The following OPA1 variants were observed in gnomAD, a reference collection of about 807,000 sequenced individuals.
OPA1 encodes the protein OPA1 mitochondrial dynamin like GTPase.
In OPA1, 59 loss-of-function variants were observed where a neutral mutation model predicts 152.9. The ratio of observed to expected loss-of-function variants is 0.39; its 90% CI spans 0.31 to 0.48. The LOEUF is 0.48. Ranked by LOEUF, OPA1 falls within the 20% of genes least tolerant of loss-of-function variation. The pLI, the probability that OPA1 is intolerant of heterozygous loss-of-function variation, is 0.96. For synonymous variants in OPA1, 400 were observed against 389.9 expected (o/e 1.03, Z -0.31); for missense variants, 1,008 against 1,216.8 (o/e 0.83, Z 2.55).
intron 12 of OPA1, 26 bp from the exon 13 acceptor site, chr3:193,642,949 T>TC (rs753978565): frequency 6.2e-7 from 1 of 1,605,938 alleles, no homozygotes; most frequent in Non-Finnish European, 8.5e-7. Flanking sequence ...TCTTAGATTT[T>TC]CTTAGGATTT....
chr3:193,612,541 A>G (rs1255731531), intron 1 of OPA1, among the ~76,000 whole-genome samples: 1 of 152,044 alleles, frequency 6.6e-6, no homozygotes, highest in Non-Finnish European at 1.5e-5. Flanking sequence ...ATCCCACTGT[A>G]TTTGTGGGGG....
At chr3:193,595,631 G>A (rs1488162831) in intron 1 of OPA1, among the ~76,000 whole-genome samples, 7 of 152,120 alleles carry the variant, frequency 4.6e-5, no homozygotes, top group Non-Finnish European at 1.0e-4. Context: ...ATCTGTTAGG[G>A]TCTTGACTTT....
chr3:193,684,163 A>G (rs1720598445), intron 29 of OPA1, among the ~76,000 whole-genome samples: 1 of 152,170 alleles, frequency 6.6e-6, no homozygotes, highest in South Asian at 2.1e-4. Flanking sequence ...GCTACACATA[A>G]TCATGAAAAT....
chr3:193,609,397 C>G (rs557322170), intron 1 of OPA1, among the ~76,000 whole-genome samples: 4 of 152,114 alleles, frequency 2.6e-5, no homozygotes, highest in Admixed American at 2.0e-4. Flanking sequence ...GAGTTTCTGC[C>G]GAGAGATCAG....
intron 24 of OPA1, among the ~76,000 whole-genome samples, chr3:193,659,275 G>A (rs1714653719): frequency 6.6e-6 from 1 of 152,118 alleles, no homozygotes; most frequent in South Asian, 2.1e-4. Context: ...AATTTTATAA[G>A]CAATTATACT....
intron 23 of OPA1, 144 bp from the exon 24 acceptor site, chr3:193,658,743 G>C (rs1714527410): frequency 1.5e-6 from 1 of 645,744 alleles, no homozygotes; most frequent in South Asian, 1.7e-5. Flanking sequence ...AGAAGCTTAT[G>C]CATTTTTATA....
chr3:193,637,053 A>G (rs1159308114), intron 9 of OPA1, 142 bp from the exon 10 acceptor site: 1 of 508,492 alleles, frequency 2.0e-6, no homozygotes, highest in Non-Finnish European at 3.5e-6. Flanking sequence ...TACGATGAAG[A>G]TGTATTTATG....
intron 21 of OPA1, among the ~76,000 whole-genome samples, chr3:193,651,963 T>C (rs544263375): frequency 1.3e-5 from 2 of 152,300 alleles, no homozygotes; most frequent in African/African-American, 4.8e-5. Flanking sequence ...AGGTAAAGTT[T>C]CTGTAGATAA....
intron 29 of OPA1, among the ~76,000 whole-genome samples, chr3:193,690,802 T>G (rs1386540432): frequency 6.6e-6 from 1 of 152,238 alleles, no homozygotes; most frequent in East Asian, 1.9e-4. Context: ...GCTTGCCAGT[T>G]TTGCCTCTAG....
intron 23 of OPA1, 58 bp downstream of exon 23, chr3:193,657,290 G>T: frequency 1.3e-6 from 2 of 1,538,534 alleles, no homozygotes; most frequent in South Asian, 1.1e-5. Flanking sequence ...TTCTCAAATT[G>T]ATACTTTTTC....
At chr3:193,635,564 T>C (rs1422604134) in intron 9 of OPA1, 42 bp downstream of exon 9, 3 of 1,187,174 alleles carry the variant, frequency 2.5e-6, no homozygotes, top group Non-Finnish European at 3.8e-6. Flanking sequence ...ATTTTACCGC[T>C]TAACGTTGTG....
At chr3:193,622,476 C>A (rs550802906) in intron 6 of OPA1, among the ~76,000 whole-genome samples, 1 of 152,106 alleles carries the variant, frequency 6.6e-6, no homozygotes, top group South Asian at 2.1e-4. Flanking sequence ...GTCCGTCCAC[C>A]TCTGCCTCCC....
intron 6 of OPA1, among the ~76,000 whole-genome samples, chr3:193,619,225 T>C (rs567557688): frequency 6.6e-6 from 1 of 152,332 alleles, no homozygotes; most frequent in Non-Finnish European, 1.5e-5. Context: ...AAGGCTCGTT[T>C]AGACAAGGCA....
At chr3:193,678,086 T>TC (rs927822359) in intron 29 of OPA1, among the ~76,000 whole-genome samples, 27 of 152,376 alleles carry the variant, frequency 1.8e-4, no homozygotes, top group Admixed American at 1.0e-3. Flanking sequence ...ATATTTCATT[T>TC]CAATTTCTCT....
intron 23 of OPA1, among the ~76,000 whole-genome samples, chr3:193,658,380 TAATA>T (rs1375864795): frequency 2.6e-5 from 4 of 152,190 alleles, no homozygotes; most frequent in South Asian, 2.1e-4. Flanking sequence ...TTTTCAACTG[TAATA>T]AATAACTTTT....
intron 29 of OPA1, among the ~76,000 whole-genome samples, chr3:193,671,825 T>G (rs1429587888): frequency 6.6e-6 from 1 of 152,226 alleles, no homozygotes; most frequent in Non-Finnish European, 1.5e-5. Context: ...GAAAGTACTT[T>G]AGAGGAAATG....
chr3:193,697,416 A>G lies in OPA1; in HGVS notation c.*2816A>G, dbSNP rs1210114127. On this transcript the variant is annotated 3_prime_UTR_variant, in exon 31 of 31. Transcript: ENST00000361510. The stretch of plus-strand genomic sequence containing the variant: ...GTGCACTGTGAATGAACTTTGTATT[A>G]TTTTTTTAAAACCTTCACATTACGT... The G allele has an allele frequency of 1.3e-5, 2 of 152,130 alleles. No individual in the cohort carries two copies. The highest frequency in any genetic ancestry group is 2.9e-5 in the Non-Finnish European group (2 of 68,024). 9.4% of individuals were successfully genotyped at this position (152,130 alleles called of 1,614,324 possible).
chr3:193,617,970 G>T (rs1341711375), intron 5 of OPA1, 133 bp downstream of exon 5: 4 of 692,186 alleles, frequency 5.8e-6, no homozygotes, highest in Non-Finnish European at 1.0e-5. Context: ...AACTATATTA[G>T]GCAAACTCAT....
chr3:193,663,711 C>T (rs1577323060), intron 26 of OPA1, among the ~76,000 whole-genome samples: 1 of 152,112 alleles, frequency 6.6e-6, no homozygotes, highest in African/African-American at 2.4e-5. Flanking sequence ...AGATTATGTG[C>T]TATTTATGTT....
Sources: allele counts gnomAD v4.1 joint callset (sites outside exome capture counted in the v4.1 genomes callset), GRCh38; gene constraint gnomAD v4.1.1; transcripts MANE v1.5; gene names NCBI Gene and HGNC (gene_info 2026-07-23, HGNC 2026-07-21).